Variants in PCDH15 observed in about 807,000 individuals in gnomAD.
PCDH15 encodes the protein protocadherin related 15, also known as protocadherin-15.
In PCDH15, 129 loss-of-function variants were observed where a neutral mutation model predicts 178.5. The observed-to-expected ratio is 0.72, with a 90% confidence interval of 0.63 to 0.84. The LOEUF is 0.84. PCDH15 is among the 40% of genes least tolerant of loss of function. The probability of loss-of-function intolerance (pLI) is 0.00; values close to 1 mark genes in which losing one functional copy is unlikely to be tolerated. For missense variants in PCDH15, 2,230 were observed against 2,099.9 expected, an observed-to-expected ratio of 1.06 and a Z score of -1.21; for synonymous variants, 800 against 732.0, an observed-to-expected ratio of 1.09 and a Z score of -1.50.
chr10:55,557,532 A>T (rs1326205090), intron 2 of PCDH15, among the ~76,000 whole-genome samples: 2 of 152,132 alleles, frequency 1.3e-5, no homozygotes, highest in Admixed American at 6.6e-5. Context: ...AATAAACTGC[A>T]TGAGACGATA....
At chr10:54,253,020 T>C (rs533022978) in intron 8 of PCDH15, among the ~76,000 whole-genome samples, 1 of 152,110 alleles carries the variant, frequency 6.6e-6, no homozygotes, top group South Asian at 2.1e-4. Context: ...GATTGAATTA[T>C]GGGAGTAAAA....
At chr10:54,343,921 A>G (rs1291573026) in intron 6 of PCDH15, among the ~76,000 whole-genome samples, 1 of 152,150 alleles carries the variant, frequency 6.6e-6, no homozygotes, top group African/African-American at 2.4e-5. Flanking sequence ...AGTTATGGTG[A>G]AGAATTTACA....
chr10:54,769,742 G>T (rs754046375), intron 1 of PCDH15, among the ~76,000 whole-genome samples: 3 of 152,026 alleles, frequency 2.0e-5, no homozygotes, highest in Non-Finnish European at 2.9e-5. Flanking sequence ...TCCAGCTCTG[G>T]TGTCTGTATC....
chr10:54,939,712 A>G lies in PCDH15; in HGVS notation c.-79-42212T>C, dbSNP rs74972210. 4.1e-3 allele frequency among the ~76,000 whole-genome samples: 619 copies of G among 152,150 alleles called. 5 individuals are homozygous for G. The highest frequency in any genetic ancestry group is 0.014 in the African/African-American group (589 of 41,532). ...AAAATGTGTTGGTCACAGTTCTGGA[A>G]GCTGTGAAGTCCAAGATTAAGGCAC... is the stretch of plus-strand genomic sequence containing the variant. On this transcript the variant is annotated intron_variant, in intron 2 of 5. Coordinates refer to the PCDH15 transcript ENST00000458638.
intron 2 of PCDH15, among the ~76,000 whole-genome samples, chr10:54,550,309 ACCTCT>A: frequency 6.6e-6 from 1 of 152,246 alleles, no homozygotes; most frequent in South Asian, 2.1e-4. Context: ...CCACTATGCA[ACCTCT>A]CTCTCGCTAG....
chr10:54,065,509 G>A (rs1047768426), intron 18 of PCDH15, among the ~76,000 whole-genome samples: 2 of 152,142 alleles, frequency 1.3e-5, no homozygotes, highest in African/African-American at 2.4e-5. Flanking sequence ...TACAGTGTGG[G>A]GAGCAGAGCC....
At chr10:55,178,861 A>G (rs1839564232) in intron 1 of PCDH15, among the ~76,000 whole-genome samples, 1 of 151,778 alleles carries the variant, frequency 6.6e-6, no homozygotes, top group South Asian at 2.1e-4. Context: ...GGGATTATCT[A>G]CTCCCCTAAA....
intron 2 of PCDH15, among the ~76,000 whole-genome samples, chr10:55,070,394 G>C (rs966659687): frequency 2.6e-5 from 4 of 151,594 alleles, no homozygotes; most frequent in Non-Finnish European, 5.9e-5. Flanking sequence ...TTTTCTTCTA[G>C]GGTTTTTATG....
intron 1 of PCDH15, among the ~76,000 whole-genome samples, chr10:54,670,355 T>C (rs2094641124): frequency 6.6e-6 from 1 of 152,150 alleles, no homozygotes; most frequent in Admixed American, 6.6e-5. Flanking sequence ...TCTGGCATTC[T>C]TATACTACAG....
rs149778171 is a variant in PCDH15, at chr10:53,825,444, C to T, written c.4367+1949G>A. ...CTATTAAACCTGGATGATGCCAATCCTAAAATAAAAATTTTAAATGAGAGT... is the reference window on the plus strand; with the variant it reads ...CTATTAAACCTGGATGATGCCAATCTTAAAATAAAAATTTTAAATGAGAGT... On this transcript the variant is annotated intron_variant, in intron 32 of 37. Coordinates refer to ENST00000644397, the MANE Select transcript of PCDH15 (RefSeq NM_001384140.1). Among the ~76,000 whole-genome samples, 1,616 of 151,690 alleles carry T rather than the reference C, an allele frequency of 0.011. 29 individuals are homozygous for T. Among genetic ancestry groups the T allele is most frequent in the African/African-American group, 0.037 (1,516 of 41,446 alleles).
At chr10:54,712,725 A>C (rs1312854585) in intron 1 of PCDH15, among the ~76,000 whole-genome samples, 2 of 152,010 alleles carry the variant, frequency 1.3e-5, no homozygotes, top group Non-Finnish European at 2.9e-5. Context: ...AGCACCCCCT[A>C]AGATGATGAG....
chr10:55,582,567 T>C (rs2132121796), intron 2 of PCDH15, among the ~76,000 whole-genome samples: 1 of 144,600 alleles, frequency 6.9e-6, no homozygotes, highest in East Asian at 2.0e-4. Flanking sequence ...TGATCTGAAA[T>C]TCAAACTGGC....
chr10:53,921,872 C>T (rs2084027820), intron 25 of PCDH15, among the ~76,000 whole-genome samples: 1 of 152,118 alleles, frequency 6.6e-6, no homozygotes, highest in Non-Finnish European at 1.5e-5. Context: ...TAGTTCATAG[C>T]AGAGAATGGA....
intron 2 of PCDH15, among the ~76,000 whole-genome samples, chr10:55,383,743 C>A (rs1837590701): frequency 6.6e-6 from 1 of 152,062 alleles, no homozygotes; most frequent in Admixed American, 6.6e-5. Context: ...TTTTTATCTT[C>A]TTTAAACATA....
intron 3 of PCDH15, among the ~76,000 whole-genome samples, chr10:54,896,674 T>C (rs1954550855): frequency 6.6e-6 from 1 of 152,156 alleles, no homozygotes; most frequent in African/African-American, 2.4e-5. Flanking sequence ...GATTTTAATA[T>C]TTCTGCACTT....
chr10:54,726,126 G>C (rs1301029729), intron 1 of PCDH15, among the ~76,000 whole-genome samples: 1 of 150,916 alleles, frequency 6.6e-6, no homozygotes. Context: ...TTGTGGAATT[G>C]TGAGTGAGCA....
At chr10:54,387,494 T>C (rs149095341) in intron 3 of PCDH15, among the ~76,000 whole-genome samples, 2 of 152,302 alleles carry the variant, frequency 1.3e-5, no homozygotes, top group East Asian at 3.9e-4. Flanking sequence ...AAATATGGCA[T>C]GATTATACTT....
chr10:54,808,937 G>C (rs1348973599), intron 3 of PCDH15, among the ~76,000 whole-genome samples: 3 of 145,470 alleles, frequency 2.1e-5, no homozygotes, highest in Non-Finnish European at 4.5e-5. Context: ...TAAGTGGCTG[G>C]GAAAAGAAAA....
chr10:55,338,985 GGAAGA>G (rs10564057), intron 2 of PCDH15, among the ~76,000 whole-genome samples: 7,406 of 152,178 alleles, frequency 0.049, 203 homozygotes, highest in South Asian at 0.11. Flanking sequence ...CCAGAGGCTT[GGAAGA>G]GTAGCTGGTA....
Sources: allele counts gnomAD v4.1 joint callset (sites outside exome capture counted in the v4.1 genomes callset), GRCh38; gene constraint gnomAD v4.1.1; transcripts MANE v1.5; gene names NCBI Gene and HGNC (gene_info 2026-07-23, HGNC 2026-07-21).